FBXO16: variants seen among roughly 807,000 people sequenced by gnomAD.
FBXO16 encodes the protein F-box only protein 16.
FBXO16 carries 31 observed loss-of-function variants against 41.0 expected under a neutral mutation model. The observed-to-expected ratio is 0.76, with a 90% CI of 0.57 to 1.02. The LOEUF is 1.02. Among genes scored for constraint, FBXO16 ranks in the 50% least tolerant of loss-of-function variants. The pLI, the probability that FBXO16 is intolerant of heterozygous loss-of-function variation, is 0.00. For synonymous variants in FBXO16, 133 were observed against 117.8 expected (o/e 1.13, Z -0.84); for missense variants, 361 against 346.2 (o/e 1.04, Z -0.34).
Position 28,428,437 on chromosome 8 carries a change from T to C in FBXO16, c.*290A>G. 1 of 834,416 alleles carries C rather than the reference T, an allele frequency of 1.2e-6. No individual in the cohort carries two copies. Among genetic ancestry groups the C allele is most frequent in the Non-Finnish European group, 1.8e-6 (1 of 570,442 alleles). 51.7% of individuals were successfully genotyped at this position (834,416 alleles called of 1,614,324 possible). A position where few individuals can be genotyped will look rare whatever the true frequency, so the allele number is the denominator to read the frequency against. ...TGCCATGAATTCCTTTTTACTGAAATACCGTAGGACTCACTACCACAATAA... is the reference window on the plus strand; with the variant it reads ...TGCCATGAATTCCTTTTTACTGAAACACCGTAGGACTCACTACCACAATAA... On this transcript the variant is annotated 3_prime_UTR_variant, in exon 9 of 9. Transcript: ENST00000380254.
In FBXO16 at chr8:28,459,805, T is replaced by A. The variant is rs147664453; in HGVS notation, c.343-2875A>T. Among the ~76,000 whole-genome samples the A allele has an allele frequency of 9.3e-3, 1,420 of 152,002 alleles. 13 individuals carry two copies. Among genetic ancestry groups the A allele is most frequent in the Non-Finnish European group, 0.015 (1,018 of 67,972 alleles). On this transcript the variant is annotated intron_variant, in intron 4 of 8. Transcript: ENST00000380254. ...ACTCTGGGAGGCCAAGGTGAGCAGATCACTTGAGGTCAAGAGTTTGAGACC... is the reference window on the plus strand; with the variant it reads ...ACTCTGGGAGGCCAAGGTGAGCAGAACACTTGAGGTCAAGAGTTTGAGACC...
At chr8:28,479,219 T>C (rs1372420015) in intron 2 of FBXO16, among the ~76,000 whole-genome samples, 1 of 152,192 alleles carries the variant, frequency 6.6e-6, no homozygotes, top group Non-Finnish European at 1.5e-5. Flanking sequence ...CAGGAAGTCC[T>C]ATGGGGTCAG....
intron 7 of FBXO16, among the ~76,000 whole-genome samples, chr8:28,440,424 C>G (rs1428388404): frequency 6.6e-6 from 1 of 152,148 alleles, no homozygotes; most frequent in Non-Finnish European, 1.5e-5. Context: ...AATGAGGAAA[C>G]AAAGACTCTG....
At chr8:28,444,291 C>T (rs908804229) in intron 7 of FBXO16, among the ~76,000 whole-genome samples, 5 of 149,432 alleles carry the variant, frequency 3.3e-5, no homozygotes, top group Non-Finnish European at 7.4e-5. Context: ...GCCTCACATC[C>T]AATATTTCTT....
intron 2 of FBXO16, among the ~76,000 whole-genome samples, chr8:28,476,856 T>G (rs747468564): frequency 6.6e-6 from 1 of 152,228 alleles, no homozygotes; most frequent in Non-Finnish European, 1.5e-5. Flanking sequence ...TTCCTTTCTT[T>G]TAAAAAACTG....
At chr8:28,465,758 A>C (rs1219986868) in intron 3 of FBXO16, among the ~76,000 whole-genome samples, 1 of 152,204 alleles carries the variant, frequency 6.6e-6, no homozygotes, top group East Asian at 1.9e-4. Context: ...GGGGCCCTTC[A>C]GATTGGTTGC....
At chr8:28,461,400 GAAT>G (rs562417901) in intron 4 of FBXO16, among the ~76,000 whole-genome samples, 116 of 152,150 alleles carry the variant, frequency 7.6e-4, no homozygotes, top group African/African-American at 2.7e-3. Context: ...CACCAATATA[GAAT>G]ATTATCATTT....
intron 1 of FBXO16, among the ~76,000 whole-genome samples, chr8:28,486,954 A>G (rs1407406358): frequency 6.6e-6 from 1 of 152,058 alleles, no homozygotes; most frequent in African/African-American, 2.4e-5. Context: ...AAAAATGCAC[A>G]TACACGCAAA....
rs747850464 is a variant in FBXO16, at chr8:28,456,949, T to A, written c.343-19A>T. 1.9e-6 allele frequency: 3 copies of A among 1,606,712 alleles called. No individual in the cohort carries two copies. Among genetic ancestry groups the A allele is most frequent in the Non-Finnish European group, 1.7e-6 (2 of 1,175,772 alleles). On this transcript the variant is annotated intron_variant, in intron 4 of 8. Transcript: ENST00000380254. The stretch of plus-strand genomic sequence containing the variant: ...AGCACACCTGGAAAAACAATTACAA[T>A]TAAACAAAACCAAATCAAACAACCC...
At chr8:28,460,245 A>ATATATATATAT (rs1477457728) in intron 4 of FBXO16, among the ~76,000 whole-genome samples, 1 of 85,484 alleles carries the variant, frequency 1.2e-5, no homozygotes, top group African/African-American at 6.3e-5. Context: ...ATATATATAT[A>ATATATATATAT]TTTTTTTTTT....
At position 28,447,262 on chromosome 8, in the gene FBXO16, C is replaced by G. The variant is rs149234031; in HGVS notation, c.752G>C (p.Arg251Thr). ...METVQQGRRK[R>T]NQMTPDFSRQ... ...GCTGAAGTCTGGGGTCATTTGGTTT[C>G]TTTTTCTTCTTCTGTAAATTGGAAA... The change falls in exon 7 of 9, where the codon AGA (arginine) becomes ACA (threonine). Residue 251 changes from arginine to threonine, a missense_variant. Arg to Thr is a moderately conservative substitution (Grantham distance 71, BLOSUM62 -1). Transcript: ENST00000380254. 527 of 1,611,936 alleles carry G rather than the reference C, an allele frequency of 3.3e-4. 3 individuals are homozygous for G. In the African/African-American group the frequency reaches 6.3e-3, roughly 19 times the overall value.
chr8:28,467,580 T>C (rs528523685), intron 3 of FBXO16, among the ~76,000 whole-genome samples: 25 of 152,160 alleles, frequency 1.6e-4, no homozygotes, highest in Non-Finnish European at 2.9e-4. Context: ...GTGGGTTAAG[T>C]AACTATAAAA....
chr8:28,481,702 C>T (rs1350222817), intron 2 of FBXO16, among the ~76,000 whole-genome samples: 2 of 151,402 alleles, frequency 1.3e-5, no homozygotes, highest in Non-Finnish European at 2.9e-5. Context: ...CCCAGCTACT[C>T]AGGAGGCTGA....
In FBXO16 at chr8:28,463,350, G is replaced by A. The variant is rs1023011530; in HGVS notation, c.342+262C>T. On this transcript the variant is annotated intron_variant, in intron 4 of 8. Transcript: ENST00000380254. ...TATGTGTGTTTGTGTGTATATTTGTGTTTGTGTATATGTGTGTATATGTGT... is the reference window on the plus strand; with the variant it reads ...TATGTGTGTTTGTGTGTATATTTGTATTTGTGTATATGTGTGTATATGTGT... 5.3e-5 allele frequency among the ~76,000 whole-genome samples: 8 copies of A among 151,264 alleles called. No homozygotes were observed. In the East Asian group the frequency reaches 1.6e-3, roughly 29 times the overall value.
At chr8:28,484,848 C>A (rs1023056917) in intron 1 of FBXO16, among the ~76,000 whole-genome samples, 3 of 152,132 alleles carry the variant, frequency 2.0e-5, no homozygotes, top group African/African-American at 7.2e-5. Context: ...CCCCCCTGGG[C>A]CTCCCAAAGT....
intron 3 of FBXO16, among the ~76,000 whole-genome samples, chr8:28,468,907 AG>A (rs1803286929): frequency 6.6e-6 from 1 of 152,106 alleles, no homozygotes; most frequent in Admixed American, 6.6e-5. Flanking sequence ...AAAAATGAAA[AG>A]CTTCTTTAAC....
At chr8:28,463,134 TTG>T (rs970610190) in intron 4 of FBXO16, among the ~76,000 whole-genome samples, 1 of 151,936 alleles carries the variant, frequency 6.6e-6, no homozygotes, top group Non-Finnish European at 1.5e-5. Context: ...TTTCTTAGTT[TTG>T]TGTGTGTGTG....
chr8:28,443,163 T>C (rs1374371049), intron 7 of FBXO16, among the ~76,000 whole-genome samples: 1 of 151,950 alleles, frequency 6.6e-6, no homozygotes, highest in African/African-American at 2.4e-5. Context: ...GAACTACAGG[T>C]GCATGCCCCT....
chr8:28,463,528 G>A, intron 4 of FBXO16, 84 bp downstream of exon 4: 1 of 1,372,660 alleles, frequency 7.3e-7, no homozygotes, highest in East Asian at 2.3e-5. Context: ...GTATGCCTGT[G>A]TTTCCCCTTA....
Sources: gnomAD v4.1 joint callset for allele counts (sites outside exome capture counted in the v4.1 genomes callset) on GRCh38, gnomAD v4.1.1 for gene constraint, MANE v1.5 for transcripts, NCBI Gene and HGNC (gene_info 2026-07-23, HGNC 2026-07-21) for gene names.